The following NEK11 variants were observed in gnomAD, a reference collection of about 807,000 sequenced individuals.
NEK11 encodes the protein NIMA related kinase 11.
NEK11 carries 72 observed loss-of-function variants against 80.7 expected under a neutral mutation model. The ratio of observed to expected loss-of-function variants is 0.89; its 90% CI spans 0.74 to 1.08. The LOEUF is 1.08. NEK11 is among the 50% of genes least tolerant of loss of function. The pLI, the probability that NEK11 is intolerant of heterozygous loss-of-function variation, is 0.00. For missense variants in NEK11, 764 were observed against 763.6 expected, an observed-to-expected ratio of 1.00 and a Z score of -0.01; for synonymous variants, 251 against 260.7, an observed-to-expected ratio of 0.96 and a Z score of 0.36.
At chr3:131,179,843 A>T (rs148326453) in intron 14 of NEK11, among the ~76,000 whole-genome samples, 21 of 152,128 alleles carry the variant, frequency 1.4e-4, no homozygotes, top group African/African-American at 4.8e-4. Context: ...TAATATAATG[A>T]TTCATTTCAA....
intron 14 of NEK11, among the ~76,000 whole-genome samples, chr3:131,226,531 C>T (rs1192258189): frequency 1.3e-5 from 2 of 152,034 alleles, no homozygotes; most frequent in African/African-American, 2.4e-5. Context: ...TTTGCAGCAA[C>T]CTGGATGGAG....
At chr3:131,038,736 T>A (rs1015012186) in intron 3 of NEK11, among the ~76,000 whole-genome samples, 2 of 152,242 alleles carry the variant, frequency 1.3e-5, no homozygotes, top group African/African-American at 2.4e-5. Context: ...GTATTTAAAA[T>A]ATTACAGCCG....
At chr3:131,071,498 A>G (rs897057035) in intron 3 of NEK11, among the ~76,000 whole-genome samples, 8 of 151,916 alleles carry the variant, frequency 5.3e-5, no homozygotes, top group Middle Eastern at 3.4e-3. Flanking sequence ...CTCATTTTAG[A>G]TTATCTTCTG....
At chr3:131,185,117 CCATATGACAGAA>C (rs1209173390) in intron 14 of NEK11, among the ~76,000 whole-genome samples, 1 of 152,152 alleles carries the variant, frequency 6.6e-6, no homozygotes, top group Non-Finnish European at 1.5e-5. Context: ...ACAGCACTTT[CCATATGACAGAA>C]CGTTAGCAAA....
chr3:131,038,092 T>C (rs1295325399), intron 3 of NEK11, among the ~76,000 whole-genome samples: 1 of 152,154 alleles, frequency 6.6e-6, no homozygotes, highest in African/African-American at 2.4e-5. Context: ...ATCTTCCTGC[T>C]TATCTTTTAA....
intron 5 of NEK11, among the ~76,000 whole-genome samples, chr3:131,112,024 G>A (rs75666169): frequency 0.01 from 1,597 of 152,198 alleles, 22 homozygotes; most frequent in East Asian, 0.08. Context: ...AGAAATGTTT[G>A]CAAAACTTTC....
chr3:131,139,768 A>G (rs2718881), intron 7 of NEK11, among the ~76,000 whole-genome samples: 131,585 of 152,238 alleles, frequency 0.86, 57,156 homozygotes, highest in East Asian at 1. Context: ...CATTGTTTAC[A>G]TTGCTTTTTA....
intron 14 of NEK11, among the ~76,000 whole-genome samples, chr3:131,191,042 C>A (rs1347033405): frequency 2.6e-5 from 4 of 152,044 alleles, no homozygotes; most frequent in African/African-American, 9.7e-5. Context: ...TTATTCTTAT[C>A]CTTACAGAGG....
chr3:131,332,074 G>A lies in NEK11; in HGVS notation c.1719-17483G>A, dbSNP rs189274652. On this transcript the variant is annotated intron_variant, in intron 17 of 17. Transcript: ENST00000383366. Reference sequence around the variant, plus strand: ...CAAAAAGACAGCAGTAACCTCTGCAGAATTAAACGTCCCGGTCTGACAGCT... The same window carrying A: ...CAAAAAGACAGCAGTAACCTCTGCAAAATTAAACGTCCCGGTCTGACAGCT... 7.2e-4 allele frequency among the ~76,000 whole-genome samples: 109 copies of A among 152,338 alleles called. 1 individual carries two copies. The highest frequency in any genetic ancestry group is 5.5e-3 in the Admixed American group (84 of 15,300).
At chr3:131,162,837 C>A (rs1379807414) in intron 11 of NEK11, among the ~76,000 whole-genome samples, 1 of 152,126 alleles carries the variant, frequency 6.6e-6, no homozygotes, top group Non-Finnish European at 1.5e-5. Context: ...TGCACATACC[C>A]CAGCAGGAGA....
chr3:131,109,455 T>C (rs949616756), intron 4 of NEK11: 13 of 162,282 alleles, frequency 8.0e-5, no homozygotes, highest in African/African-American at 2.4e-4. Flanking sequence ...TCTTCAGGCA[T>C]TGGCTGGAAG....
At chr3:131,038,271 C>A (rs1046286471) in intron 3 of NEK11, among the ~76,000 whole-genome samples, 13 of 152,152 alleles carry the variant, frequency 8.5e-5, no homozygotes, top group African/African-American at 3.1e-4. Flanking sequence ...GTTCTCTGCA[C>A]ACAATAAGGT....
At chr3:131,081,932 A>G (rs1679567084) in intron 4 of NEK11, among the ~76,000 whole-genome samples, 2 of 152,216 alleles carry the variant, frequency 1.3e-5, no homozygotes, top group Admixed American at 1.3e-4. Context: ...TGTATCACCC[A>G]AAATGAAACC....
intron 3 of NEK11, among the ~76,000 whole-genome samples, chr3:131,035,437 ACTTATAGAAATCTCAGACGT>A (rs1407462357): frequency 2.0e-5 from 3 of 152,332 alleles, no homozygotes; most frequent in African/African-American, 7.2e-5. Context: ...TCCAGTTTCT[ACTTATAGAAATCTCAGACGT>A]CCAGCCCTGT....
At chr3:131,076,976 C>A (rs1560285647) in intron 3 of NEK11, among the ~76,000 whole-genome samples, 2 of 152,086 alleles carry the variant, frequency 1.3e-5, no homozygotes, top group Non-Finnish European at 2.9e-5. Context: ...GAAAAGTAAC[C>A]CTTAATTAAT....
chr3:131,251,568 T>G (rs1388643885), intron 16 of NEK11, among the ~76,000 whole-genome samples: 1 of 152,146 alleles, frequency 6.6e-6, no homozygotes, highest in African/African-American at 2.4e-5. Context: ...ATTATCTGAT[T>G]GCAAGGTTCT....
rs948229015 is a variant in NEK11 at position 131,271,169 on chromosome 3, C to A, written c.1622-2309C>A. Among the ~76,000 whole-genome samples, 17 of 152,218 alleles carry A rather than the reference C, an allele frequency of 1.1e-4. No homozygotes were observed. In the South Asian group the frequency reaches 3.5e-3, roughly 32 times the overall value. On this transcript the variant is annotated intron_variant, in intron 16 of 17. Transcript: ENST00000383366. ...ATTTTCTCTCCAGGTGTGGAAGGGG[C>A]AATCTCCAGGAGTGAGAGAAATGGG...
intron 3 of NEK11, among the ~76,000 whole-genome samples, chr3:131,069,557 G>A: frequency 6.6e-6 from 1 of 152,024 alleles, no homozygotes; most frequent in East Asian, 1.9e-4. Flanking sequence ...ATTCGCAATA[G>A]CAAAGACTTG....
At chr3:131,093,704 C>T (rs1440849071) in intron 4 of NEK11, among the ~76,000 whole-genome samples, 1 of 151,778 alleles carries the variant, frequency 6.6e-6, no homozygotes, top group African/African-American at 2.4e-5. Flanking sequence ...CTGCGCTTAG[C>T]CCAGATGTGC....
Sources: gnomAD v4.1 joint callset for allele counts (sites outside exome capture counted in the v4.1 genomes callset) on GRCh38, gnomAD v4.1.1 for gene constraint, MANE v1.5 for transcripts, NCBI Gene and HGNC (gene_info 2026-07-23, HGNC 2026-07-21) for gene names.